The following ITGB6 variants were observed in gnomAD, a reference collection of about 807,000 sequenced individuals.
ITGB6 encodes integrin subunit beta 6.
ITGB6 carries 80 observed loss-of-function variants against 84.5 expected under a neutral mutation model. That is an observed-to-expected ratio of 0.95 (90% confidence interval 0.79 to 1.14). ITGB6 has a LOEUF of 1.14. Among genes scored for constraint, ITGB6 ranks in the 50% most tolerant of loss-of-function variants. ITGB6 has a pLI of 0.00. For missense variants in ITGB6, 1,006 were observed against 968.0 expected (o/e 1.04, Z -0.52); for synonymous variants, 383 against 354.9 (o/e 1.08, Z -0.89).
In ITGB6 at chr2:160,138,132, G is replaced by A. The variant is rs374723421; in HGVS notation, c.1175C>T (p.Ala392Val). 4.0e-5 allele frequency: 64 copies of A among 1,613,258 alleles called. No homozygotes were observed. Among genetic ancestry groups the A allele is most frequent in the Non-Finnish European group, 4.8e-5 (57 of 1,179,440 alleles). The change falls in exon 9 of 15, where the codon GCC (alanine) becomes GTC (valine). Residue 392 changes from alanine (A) to valine (V), a missense_variant. Ala to Val is a moderately conservative substitution (Grantham distance 64, BLOSUM62 0). Coordinates refer to ENST00000283249, the MANE Select transcript of ITGB6 (RefSeq NM_000888.5). ...DTEGLNLSFT[A>V]ICNNGTLFQH... The stretch of plus-strand genomic sequence containing the variant: ...GAAGAGGGTACCGTTGTTACAGATG[G>A]CTGTAAATGACAAGTTGAGTCCTTC...
chr2:160,115,629 C>T (rs1275389864), intron 12 of ITGB6, among the ~76,000 whole-genome samples: 1 of 152,240 alleles, frequency 6.6e-6, no homozygotes, highest in East Asian at 1.9e-4. Flanking sequence ...AGGAATGCAG[C>T]TCCTCACCAG....
In ITGB6 at chr2:160,186,153, G is replaced by T. The variant is rs564135173; in HGVS notation, c.593+9216C>A. The stretch of plus-strand genomic sequence containing the variant: ...AATTAAACTAAAGAGCTTCTGCACA[G>T]CAAAAGAAACTATTATCAGAGTGAA... On this transcript the variant is annotated intron_variant, in intron 4 of 14. Coordinates refer to ENST00000283249, the MANE Select transcript of ITGB6 (RefSeq NM_000888.5). Among the ~76,000 whole-genome samples the T allele has an allele frequency of 1.1e-4, 17 of 151,756 alleles. No homozygotes were observed. In the South Asian group the frequency reaches 3.5e-3, roughly 32 times the overall value.
intron 4 of ITGB6, among the ~76,000 whole-genome samples, chr2:160,179,389 T>C (rs1378061829): frequency 6.8e-6 from 1 of 146,322 alleles, no homozygotes; most frequent in African/African-American, 2.5e-5. Flanking sequence ...TTTTTCTTTT[T>C]CTTTTTTTTT....
At chr2:160,115,562 A>G (rs1682729866) in intron 12 of ITGB6, among the ~76,000 whole-genome samples, 1 of 152,242 alleles carries the variant, frequency 6.6e-6, no homozygotes, top group African/African-American at 2.4e-5. Flanking sequence ...AAGATGGGGA[A>G]AAAACAGAGC....
chr2:160,152,290 C>A (rs545746621), intron 7 of ITGB6, among the ~76,000 whole-genome samples: 28 of 152,302 alleles, frequency 1.8e-4, no homozygotes, highest in African/African-American at 6.5e-4. Flanking sequence ...AAGGCTGGTT[C>A]AACATATGCA....
chr2:160,132,422 G>T (rs978099207), intron 10 of ITGB6, among the ~76,000 whole-genome samples: 3 of 152,072 alleles, frequency 2.0e-5, no homozygotes, highest in Non-Finnish European at 4.4e-5. Context: ...GGTATCAAAT[G>T]GTTTTCAGAA....
rs765782553 is a variant in ITGB6, at chr2:160,172,644, T to C, written c.846A>G (p.Leu282=). The C allele has an allele frequency of 1.7e-5, 27 of 1,612,484 alleles. No homozygotes were observed. Among genetic ancestry groups the C allele is most frequent in the East Asian group, 2.2e-5 (1 of 44,834 alleles). Residue 282 remains leucine, a synonymous_variant, in exon 6 of 15, where the codon CTA becomes CTG. Coordinates refer to ENST00000283249, the MANE Select transcript of ITGB6 (RefSeq NM_000888.5). ...CGTCATTAGGAATGACGATGCCTGC[T>C]AGTTTGCTGTCCATTCCAAAATGAG... ...ADSHFGMDSK[L]AGIVIPNDGL...
At chr2:160,195,094 C>T (rs1255190960) in intron 4 of ITGB6, among the ~76,000 whole-genome samples, 2 of 152,260 alleles carry the variant, frequency 1.3e-5, no homozygotes, top group South Asian at 2.1e-4. Flanking sequence ...AGTCTTGGTT[C>T]CCTCGCCTGC....
At chr2:160,164,517 G>A (rs779167660) in intron 7 of ITGB6, among the ~76,000 whole-genome samples, 20 of 152,022 alleles carry the variant, frequency 1.3e-4, no homozygotes, top group South Asian at 2.1e-4. Context: ...CTAACATGGC[G>A]AAACCCCGTC....
intron 7 of ITGB6, among the ~76,000 whole-genome samples, chr2:160,143,135 A>G (rs1352234499): frequency 6.6e-6 from 1 of 152,058 alleles, no homozygotes; most frequent in Non-Finnish European, 1.5e-5. Context: ...TAAAAATACA[A>G]AAAGTAGCTT....
rs376329044 is a variant in ITGB6 at position 160,123,862 on chromosome 2, G to A, written c.1910C>T (p.Ala637Val). The change falls in exon 12 of 15, where the codon GCA (alanine) becomes GTA (valine). Residue 637 changes from alanine to valine, a missense_variant. Transcript: ENST00000283249. ...KRSCIECHLS[A>V]AGQAREECVD... is the part of the protein sequence containing the mutation. ...ACATTCTTCTCGGGCTTGGCCAGCT[G>A]CTGACAGGTGGCACTCAATGCAGCT... 1.5e-5 allele frequency: 24 copies of A among 1,613,774 alleles called. No homozygotes were observed. The Middle Eastern group carries it at 6.6e-4, about 44-fold the overall frequency.
At chr2:160,142,542 C>T (rs548701408) in intron 7 of ITGB6, among the ~76,000 whole-genome samples, 1 of 152,192 alleles carries the variant, frequency 6.6e-6, no homozygotes, top group Non-Finnish European at 1.5e-5. Flanking sequence ...GGAGTAACCG[C>T]TTGGTGGAGA....
rs376000676 is a variant in ITGB6, at chr2:160,169,245, G to A, written c.984C>T (p.Phe328=). Residue 328 remains phenylalanine (F), a synonymous_variant, in exon 7 of 15, where the codon TTC becomes TTT. Coordinates refer to ENST00000283249, the MANE Select transcript of ITGB6 (RefSeq NM_000888.5). ...AATGAACTTGTTCTTGGGTTACAGC[G>A]AAGATCAATAACACGTTGTTTTGTA... ...KLVQNNVLLI[F]AVTQEQVHLY... The A allele has an allele frequency of 4.1e-5, 66 of 1,603,432 alleles. No individual in the cohort carries two copies. The highest frequency in any genetic ancestry group is 1.5e-4 in the South Asian group (13 of 89,180).
intron 10 of ITGB6, among the ~76,000 whole-genome samples, chr2:160,131,127 A>T (rs1683452448): frequency 6.6e-6 from 1 of 152,224 alleles, no homozygotes; most frequent in African/African-American, 2.4e-5. Flanking sequence ...GGACAAGATG[A>T]TAACCAAAGA....
chr2:160,198,276 G>A (rs1438093913), intron 2 of ITGB6, among the ~76,000 whole-genome samples: 2 of 152,144 alleles, frequency 1.3e-5, no homozygotes, highest in Non-Finnish European at 2.9e-5. Context: ...CTGTGTCTGT[G>A]CTCTCTTGTC....
At chr2:160,183,830 A>G (rs936345155) in intron 4 of ITGB6, among the ~76,000 whole-genome samples, 2 of 152,248 alleles carry the variant, frequency 1.3e-5, no homozygotes, top group Non-Finnish European at 2.9e-5. Context: ...CTGAGGATTA[A>G]GAAACTCACT....
intron 7 of ITGB6, among the ~76,000 whole-genome samples, chr2:160,154,235 A>G (rs1203886817): frequency 1.3e-5 from 2 of 152,332 alleles, no homozygotes; most frequent in East Asian, 1.9e-4. Flanking sequence ...CATATACACC[A>G]TGGAATACTA....
chr2:160,156,121 C>T (rs1684612925), intron 7 of ITGB6, among the ~76,000 whole-genome samples: 1 of 152,170 alleles, frequency 6.6e-6, no homozygotes, highest in African/African-American at 2.4e-5. Flanking sequence ...TTGTTGTCAT[C>T]AAGGGGATGC....
intron 12 of ITGB6, among the ~76,000 whole-genome samples, chr2:160,118,388 A>T (rs1559101339): frequency 1.3e-5 from 2 of 152,236 alleles, no homozygotes; most frequent in East Asian, 1.9e-4. Context: ...GTAATCCAGC[A>T]TATAAACGGA....
Sources: allele counts gnomAD v4.1 joint callset (sites outside exome capture counted in the v4.1 genomes callset), GRCh38; gene constraint gnomAD v4.1.1; transcripts MANE v1.5; gene names NCBI Gene and HGNC (gene_info 2026-07-23, HGNC 2026-07-21).